MELTF: variants seen among roughly 807,000 people sequenced by gnomAD.
MELTF encodes the protein melanotransferrin.
Under a neutral mutation model 83.7 loss-of-function variants are expected in MELTF, and 67 were observed. That is an observed-to-expected ratio of 0.80 (90% CI 0.66 to 0.98). The LOEUF (loss-of-function observed/expected upper bound fraction) is 0.98, where lower values mean the gene tolerates loss of function less well. Ranked by LOEUF, MELTF falls within the 50% of genes least tolerant of loss-of-function variation. The probability of loss-of-function intolerance (pLI) is 0.00; values close to 1 mark genes in which losing one functional copy is unlikely to be tolerated. For missense variants in MELTF, 1,002 were observed against 1,035.6 expected (o/e 0.97, Z 0.44); for synonymous variants, 462 against 447.6 (o/e 1.03, Z -0.41).
rs145950158 is a variant in MELTF, at chr3:197,027,794, G to T, written c.166C>A (p.Arg56=). Residue 56 remains arginine, a synonymous_variant, in exon 2 of 16, where the codon CGG becomes AGG. Coordinates refer to ENST00000296350, the MANE Select transcript of MELTF (RefSeq NM_005929.6). ...ACGCAGTGGTCGGCGGAGGTGCCCCGGACGCAGAGGAGGGAGGGCTGGATG... is the reference window on the plus strand; with the variant it reads ...ACGCAGTGGTCGGCGGAGGTGCCCCTGACGCAGAGGAGGGAGGGCTGGATG... The part of the protein sequence containing the change: ...AGIQPSLLCV[R]GTSADHCVQL... 1 of 1,610,686 alleles carries T rather than the reference G, an allele frequency of 6.2e-7. No homozygotes were observed. Among genetic ancestry groups the T allele is most frequent in the Non-Finnish European group, 8.5e-7 (1 of 1,179,030 alleles).
At chr3:197,016,513 G>A (rs1363810554) in intron 7 of MELTF, 144 bp from the exon 8 acceptor site, 20 of 675,244 alleles carry the variant, frequency 3.0e-5, no homozygotes, top group Middle Eastern at 3.3e-4. Context: ...CCTCTTCTGC[G>A]GCGCCTCCCC....
rs41284045 is a variant in MELTF at position 197,008,937 on chromosome 3, G to A, written c.1554C>T (p.Cys518=). 29,617 of 1,613,996 alleles carry A rather than the reference G, an allele frequency of 0.018. 341 individuals carry two copies. Among genetic ancestry groups the A allele is most frequent in the Middle Eastern group, 0.029 (177 of 6,060 alleles). Residue 518 remains cysteine (C), a synonymous_variant, in exon 12 of 16, where the codon TGC becomes TGT. Transcript: ENST00000296350. This position sits in a 1 kb window ranked among gnomAD's most constrained non-coding sequence, Gnocchi z 5.4. The part of the protein sequence containing the change: ...TAVSEFFNAS[C]VPVNNPKNYP... ...AGTTCTTGGGGTTGTTCACGGGCAC[G>A]CAGCTGGCATTGAAGAACTCGCTCA... is the stretch of plus-strand genomic sequence containing the variant.
Position 197,002,865 on chromosome 3 carries a change from G to C in MELTF, c.*507C>G, listed in dbSNP as rs1385757824. ...CCGCGGGCGAAGGCTTCTCCCCGTC[G>C]CCCCGGTCCGGCCTCCCTCCCGCCG... On this transcript the variant is annotated 3_prime_UTR_variant, in exon 16 of 16. Transcript: ENST00000296350. 2.0e-5 allele frequency: 3 copies of C among 151,968 alleles called. No individual in the cohort carries two copies. 9.4% of individuals were successfully genotyped at this position (151,968 alleles called of 1,614,324 possible). A position where few individuals can be genotyped will look rare whatever the true frequency, so the allele number is the denominator to read the frequency against.
chr3:197,006,746 G>A lies in MELTF; in HGVS notation c.1751-10C>T, dbSNP rs772514795. The A allele has an allele frequency of 6.6e-7, 1 of 1,517,958 alleles. No individual in the cohort carries two copies. The allele number at this position is 1,517,958 out of a possible 1,614,324, so 94.0% of individuals were successfully genotyped here. A position where few individuals can be genotyped will look rare whatever the true frequency, so the allele number is the denominator to read the frequency against. On this transcript the variant is annotated splice_polypyrimidine_tract_variant and intron_variant, in intron 13 of 15. Transcript: ENST00000296350. The surrounding 1 kb of genome is among the most constrained non-coding windows in gnomAD (Gnocchi z 5.4). ...GGCTCGGAATTGTGGCCTGAGGGGG[G>A]TAAAGCAGTGTGTGTGGGGACGTTC...
At position 197,024,594 on chromosome 3, in the gene MELTF, C is replaced by T. The variant is rs1719778123; in HGVS notation, c.305-109G>A. On this transcript the variant is annotated intron_variant, in intron 3 of 15. Coordinates refer to ENST00000296350, the MANE Select transcript of MELTF (RefSeq NM_005929.6). This position sits in a 1 kb window ranked among gnomAD's most constrained non-coding sequence, Gnocchi z 5.3. Reference sequence around the variant, plus strand: ...GGAGAGGTGTGTGCACGGAGCACGGCTGTACACACGGATGTGTGCATAGCG... The same window carrying T: ...GGAGAGGTGTGTGCACGGAGCACGGTTGTACACACGGATGTGTGCATAGCG... The T allele has an allele frequency of 8.4e-6, 8 of 949,396 alleles. No individual in the cohort carries two copies. The highest frequency in any genetic ancestry group is 3.7e-5 in the South Asian group (2 of 53,734). The allele number at this position is 949,396 out of a possible 1,614,324, so 58.8% of individuals were successfully genotyped here.
Position 197,010,887 on chromosome 3 carries a change from G to A in MELTF, c.1234-93C>T. ...TGGAGGTGGCAGGGCCTGGTCTCTT[G>A]GGGTTTGTGGCCTCAGGCTTCCTTC... On this transcript the variant is annotated intron_variant, in intron 9 of 15. Coordinates refer to ENST00000296350, the MANE Select transcript of MELTF (RefSeq NM_005929.6). 2.6e-6 allele frequency: 3 copies of A among 1,134,330 alleles called. 1 individual carries two copies. The highest frequency in any genetic ancestry group is 2.5e-5 in the South Asian group (2 of 79,242). 70.3% of individuals were successfully genotyped at this position (1,134,330 alleles called of 1,614,324 possible). A position where few individuals can be genotyped will look rare whatever the true frequency, so the allele number is the denominator to read the frequency against.
chr3:197,028,056 C>G, intron 1 of MELTF, 146 bp from the exon 2 acceptor site: 1 of 898,456 alleles, frequency 1.1e-6, no homozygotes, highest in Non-Finnish European at 1.7e-6. Flanking sequence ...CAGGGAGGCA[C>G]TAGGCGCAGA....
At chr3:197,025,061 GGGTGTGTGT>G (rs1719798071) in intron 3 of MELTF, among the ~76,000 whole-genome samples, 1 of 152,256 alleles carries the variant, frequency 6.6e-6, no homozygotes, top group Admixed American at 6.5e-5. Flanking sequence ...GAATGCTGCA[GGGTGTGTGT>G]GGTGGGGCCA....
At chr3:197,016,541 C>G (rs138590088) in intron 7 of MELTF, among the ~76,000 whole-genome samples, 172 bp from the exon 8 acceptor site, 1 of 152,376 alleles carries the variant, frequency 6.6e-6, no homozygotes, top group East Asian at 1.9e-4. Flanking sequence ...CGGCCTCCTT[C>G]CCCTGGGCCC....
At chr3:197,027,950 GC>G in intron 1 of MELTF, 40 bp from the exon 2 acceptor site, 1 of 1,522,480 alleles carries the variant, frequency 6.6e-7, no homozygotes, top group Non-Finnish European at 8.8e-7. Context: ...CCCCCGCCCT[GC>G]CCAGCCCCGG....
At position 197,007,393 on chromosome 3, in the gene MELTF, A is replaced by G. The variant is rs1050214936; in HGVS notation, c.1751-657T>C. Among the ~76,000 whole-genome samples the G allele has an allele frequency of 2.6e-5, 4 of 152,204 alleles. No homozygotes were observed. Among genetic ancestry groups the G allele is most frequent in the African/African-American group, 9.7e-5 (4 of 41,442 alleles). On this transcript the variant is annotated intron_variant, in intron 13 of 15. Transcript: ENST00000296350. This position sits in a 1 kb window ranked among gnomAD's most constrained non-coding sequence, Gnocchi z 4.3. The stretch of plus-strand genomic sequence containing the variant: ...TTTTCATGTCTCTGTGCATTCACTT[A>G]GTATCCATCCTCCTCCCATTTCCAG...
At position 197,017,262 on chromosome 3, in the gene MELTF, G is replaced by A; in HGVS notation, c.741C>T (p.Ala247=). The A allele has an allele frequency of 6.4e-7, 1 of 1,574,794 alleles. No individual in the cohort carries two copies. Among genetic ancestry groups the A allele is most frequent in the African/African-American group, 1.3e-5 (1 of 74,618 alleles). The part of the protein sequence containing the change: ...DGKTLPSWGQ[A]LLSQDFELLC... ...GCAGCTCGAAGTCCTGTGACAGCAG[G>A]GCCTGGCCCCAGGAGGGAAGCGTCT... Residue 247 remains alanine, a synonymous_variant, in exon 7 of 16, where the codon GCC becomes GCT. Coordinates refer to ENST00000296350, the MANE Select transcript of MELTF (RefSeq NM_005929.6).
Position 197,003,968 on chromosome 3 carries a change from G to A in MELTF, c.2070C>T (p.Arg690=), listed in dbSNP as rs370646388. ...CCACGTAGTCCAGCCCCAGCCAGCC[G>A]CGGTAGGTGGTTTTCTCTCCGACAG... ...AVPVGEKTTY[R]GWLGLDYVAA... The change falls in exon 15 of 16, where the codon CGC becomes CGT. Residue 690 remains arginine, a synonymous_variant. Transcript: ENST00000296350. The surrounding 1 kb of genome is among the most constrained non-coding windows in gnomAD (Gnocchi z 6.2). The A allele has an allele frequency of 1.5e-5, 25 of 1,614,030 alleles. No homozygotes were observed. Among genetic ancestry groups the A allele is most frequent in the Non-Finnish European group, 2.5e-6 (3 of 1,180,042 alleles).
chr3:197,006,232 GAAAA>G lies in MELTF; in HGVS notation c.1938+313_1938+316del, dbSNP rs1205150716. On this transcript the variant is annotated intron_variant, in intron 14 of 15. Transcript: ENST00000296350. This position sits in a 1 kb window ranked among gnomAD's most constrained non-coding sequence, Gnocchi z 5.4. ...GTAAGACTCCGTCTCAAAAAAAAAA[GAAAA>G]AAAGGGAGCAGGATTACAGCTGCAA... is the stretch of plus-strand genomic sequence containing the variant. 6.6e-6 allele frequency among the ~76,000 whole-genome samples: 1 copy of G among 151,348 alleles called. No individual in the cohort carries two copies. Among genetic ancestry groups the G allele is most frequent in the Non-Finnish European group, 1.5e-5 (1 of 67,794 alleles).
intron 14 of MELTF, among the ~76,000 whole-genome samples, chr3:197,004,921 C>T (rs1411743133): frequency 4.6e-5 from 7 of 152,160 alleles, no homozygotes; most frequent in Non-Finnish European, 7.4e-5. Flanking sequence ...CTTCAGAGGA[C>T]TTAGCAACCC....
Position 197,022,311 on chromosome 3 carries a change from C to T in MELTF, c.644+646G>A, listed in dbSNP as rs1719654683. On this transcript the variant is annotated intron_variant, in intron 5 of 15. Coordinates refer to ENST00000296350, the MANE Select transcript of MELTF (RefSeq NM_005929.6). This position sits in a 1 kb window ranked among gnomAD's most constrained non-coding sequence, Gnocchi z 5.1. ...GAGAATGTGTGCATGGCCAAGGACACGGGGAGTGGAGGGGCAAGGCTGTCC... is the reference window on the plus strand; with the variant it reads ...GAGAATGTGTGCATGGCCAAGGACATGGGGAGTGGAGGGGCAAGGCTGTCC... Among the ~76,000 whole-genome samples the T allele has an allele frequency of 6.6e-6, 1 of 152,042 alleles. No individual in the cohort carries two copies. Among genetic ancestry groups the T allele is most frequent in the Non-Finnish European group, 1.5e-5 (1 of 68,004 alleles).
At chr3:197,023,527 C>A (rs1285185503) in intron 4 of MELTF, among the ~76,000 whole-genome samples, 2 of 152,194 alleles carry the variant, frequency 1.3e-5, no homozygotes, top group African/African-American at 4.8e-5. Context: ...GAGGGAGGCA[C>A]ACGCCCGGCG....
At chr3:197,020,829 C>G (rs1256403131) in intron 6 of MELTF, among the ~76,000 whole-genome samples, 1 of 152,076 alleles carries the variant, frequency 6.6e-6, no homozygotes, top group Non-Finnish European at 1.5e-5. Context: ...CCACCACGCT[C>G]GGCTAGTTTT....
At position 197,024,073 on chromosome 3, in the gene MELTF, C is replaced by T. The variant is rs1407216428; in HGVS notation, c.487+230G>A. On this transcript the variant is annotated intron_variant, in intron 4 of 15. Transcript: ENST00000296350. This position sits in a 1 kb window ranked among gnomAD's most constrained non-coding sequence, Gnocchi z 5.3. ...CTGTGCCATGTGGGACACCACGATG[C>T]GTGAGCAAGAATCGCGCCCCACAGG... 6.8e-6 allele frequency among the ~76,000 whole-genome samples: 1 copy of T among 148,010 alleles called. No homozygotes were observed. Among genetic ancestry groups the T allele is most frequent in the Non-Finnish European group, 1.5e-5 (1 of 66,868 alleles).
Sources: allele counts gnomAD v4.1 joint callset (sites outside exome capture counted in the v4.1 genomes callset), GRCh38; gene constraint gnomAD v4.1.1; non-coding constraint Gnocchi (gnomAD v3.1); transcripts MANE v1.5; gene names NCBI Gene and HGNC (gene_info 2026-07-23, HGNC 2026-07-21).